The following IL1RAPL2 variants were observed in gnomAD, a reference collection of about 807,000 sequenced individuals.
IL1RAPL2 encodes the protein X-linked interleukin-1 receptor accessory protein-like 2.
A neutral mutation model predicts 44.1 loss-of-function variants in IL1RAPL2; 3 were observed. That is an observed-to-expected ratio of 0.07 (90% confidence interval 0.03 to 0.18). IL1RAPL2 has a LOEUF of 0.18. Among genes scored for constraint, IL1RAPL2 ranks in the 10% least tolerant of loss-of-function variants. IL1RAPL2 has a pLI of 1.00. For synonymous variants in IL1RAPL2, 181 were observed against 178.8 expected (o/e 1.01, Z -0.10); for missense variants, 391 against 496.4 (o/e 0.79, Z 2.02).
At chrX:105,710,238 T>C (rs956972249) in intron 6 of IL1RAPL2, among the ~76,000 whole-genome samples, 1 of 110,605 alleles carries the variant, frequency 9.0e-6, no homozygotes, top group African/African-American at 3.3e-5. Flanking sequence ...CTCTCCCAAA[T>C]CATTATTCTA....
chrX:105,474,868 C>A lies in IL1RAPL2; in HGVS notation c.698-9445C>A, dbSNP rs375804919. Among the ~76,000 whole-genome samples the A allele has an allele frequency of 1.1e-4, 12 of 109,012 alleles. No homozygotes were observed. The East Asian group carries it at 1.5e-3, about 13-fold the overall frequency. 94.7% of individuals were successfully genotyped at this position (109,012 alleles called of 115,157 possible). A position where few individuals can be genotyped will look rare whatever the true frequency, so the allele number is the denominator to read the frequency against. ...TTTGGATGTATTTTGAACACACACA[C>A]AAAAAAACAGTCTTAAAAAAAAACA... On this transcript the variant is annotated intron_variant, in intron 5 of 10. Transcript: ENST00000372582.
intron 2 of IL1RAPL2, among the ~76,000 whole-genome samples, chrX:104,666,908 C>A (rs891997406): frequency 8.9e-6 from 1 of 112,091 alleles, no homozygotes; most frequent in Non-Finnish European, 1.9e-5. Flanking sequence ...TTTAAACTTC[C>A]ATTCATATTC....
chrX:104,714,149 C>T (rs1386051335), intron 2 of IL1RAPL2, among the ~76,000 whole-genome samples: 1 of 110,675 alleles, frequency 9.0e-6, no homozygotes, highest in Non-Finnish European at 1.9e-5. Context: ...ACTTCCAATA[C>T]TATGTTGAAT....
intron 2 of IL1RAPL2, among the ~76,000 whole-genome samples, chrX:104,881,391 TA>T (rs1356932559): frequency 1.8e-5 from 2 of 112,126 alleles, no homozygotes; most frequent in Admixed American, 9.5e-5. Flanking sequence ...CATTAGGAAG[TA>T]ATGATTTATA....
At position 105,722,006 on chromosome X, in the gene IL1RAPL2, G is replaced by A. The variant is rs2038309183; in HGVS notation, c.902+4510G>A. On this transcript the variant is annotated intron_variant, in intron 7 of 10. Transcript: ENST00000372582. ...ATATAGTCAGGAGTTGCCTAATGAT[G>A]GGGATACGTTCTATGTAATACATTA... Among the ~76,000 whole-genome samples, 3 of 111,642 alleles carry A rather than the reference G, an allele frequency of 2.7e-5. No individual in the cohort carries two copies. In the Admixed American group the frequency reaches 2.9e-4, roughly 11 times the overall value.
chrX:104,739,895 C>A (rs1470494053), intron 2 of IL1RAPL2, among the ~76,000 whole-genome samples: 4 of 111,277 alleles, frequency 3.6e-5, no homozygotes, highest in African/African-American at 1.3e-4. Flanking sequence ...CATTATATAT[C>A]TAATTAGGTC....
intron 4 of IL1RAPL2, among the ~76,000 whole-genome samples, chrX:105,236,853 T>A (rs1394904649): frequency 8.9e-6 from 1 of 111,776 alleles, no homozygotes; most frequent in Non-Finnish European, 1.9e-5. Flanking sequence ...AATTTTATTT[T>A]TTATTATTAT....
At chrX:105,594,137 T>C (rs988889422) in intron 6 of IL1RAPL2, among the ~76,000 whole-genome samples, 9 of 112,008 alleles carry the variant, frequency 8.0e-5, no homozygotes, top group Admixed American at 5.7e-4. Flanking sequence ...AAAATATATT[T>C]ACCTCTTTGT....
intron 2 of IL1RAPL2, among the ~76,000 whole-genome samples, chrX:104,817,858 T>TA (rs1378086140): frequency 1.8e-5 from 2 of 111,273 alleles, no homozygotes; most frequent in African/African-American, 3.3e-5. Context: ...GTACTATTAA[T>TA]AAAAAGATGA....
intron 5 of IL1RAPL2, among the ~76,000 whole-genome samples, chrX:105,438,188 AG>A (rs778210860): frequency 8.9e-6 from 1 of 111,766 alleles, no homozygotes; most frequent in East Asian, 2.8e-4. Context: ...CCCTCTAACT[AG>A]GGAAATGTAT....
intron 2 of IL1RAPL2, among the ~76,000 whole-genome samples, chrX:105,018,334 T>C (rs970328637): frequency 9.0e-6 from 1 of 111,394 alleles, no homozygotes; most frequent in Non-Finnish European, 1.9e-5. Context: ...TGACTTTTTA[T>C]GTGCATTCCT....
rs782352394 is a variant in IL1RAPL2, at chrX:105,193,234, G to A, written c.83-2241G>A. On this transcript the variant is annotated intron_variant, in intron 2 of 10. Transcript: ENST00000372582. ...TTCAATTTTTTTTTCTATCAAGTAG[G>A]TAATGATAGAGTTTGATGCTATTTT... Among the ~76,000 whole-genome samples the A allele has an allele frequency of 1.3e-4, 14 of 111,341 alleles. No individual in the cohort carries two copies. The East Asian group carries it at 4.0e-3, about 32-fold the overall frequency.
intron 2 of IL1RAPL2, among the ~76,000 whole-genome samples, chrX:104,958,378 G>A (rs753037969): frequency 2.8e-5 from 3 of 107,819 alleles, no homozygotes; most frequent in Non-Finnish European, 3.8e-5. Flanking sequence ...CCTGGAAATT[G>A]ATAGTCCTGG....
chrX:105,726,948 G>A (rs1046024735), intron 7 of IL1RAPL2, among the ~76,000 whole-genome samples: 1 of 111,105 alleles, frequency 9.0e-6, no homozygotes, highest in African/African-American at 3.3e-5. Flanking sequence ...CAGACTCTGG[G>A]CATGATGCTG....
chrX:105,066,456 T>C (rs1268633942), intron 2 of IL1RAPL2, among the ~76,000 whole-genome samples: 1 of 111,578 alleles, frequency 9.0e-6, no homozygotes, highest in Non-Finnish European at 1.9e-5. Flanking sequence ...ACAAATATGA[T>C]TGTTATAAGG....
At chrX:105,602,080 G>T (rs1012591935) in intron 6 of IL1RAPL2, among the ~76,000 whole-genome samples, 2 of 111,642 alleles carry the variant, frequency 1.8e-5, no homozygotes, top group African/African-American at 6.5e-5. Context: ...GCTCCCTAGT[G>T]ACCAATGACT....
At chrX:105,372,435 C>CAAAAAAAAA (rs369933788) in intron 5 of IL1RAPL2, among the ~76,000 whole-genome samples, 1 of 87,237 alleles carries the variant, frequency 1.1e-5, no homozygotes, top group African/African-American at 4.6e-5. Context: ...GACCCTATCT[C>CAAAAAAAAA]AAAAAAAAAA....
At chrX:105,002,929 G>GT (rs1422999906) in intron 2 of IL1RAPL2, among the ~76,000 whole-genome samples, 1 of 111,220 alleles carries the variant, frequency 9.0e-6, no homozygotes, top group Non-Finnish European at 1.9e-5. Flanking sequence ...GAATTCTAAG[G>GT]TTTTTTCATG....
intron 7 of IL1RAPL2, among the ~76,000 whole-genome samples, chrX:105,731,435 A>G (rs2038405253): frequency 9.0e-6 from 1 of 111,406 alleles, no homozygotes; most frequent in Admixed American, 9.6e-5. Flanking sequence ...GAGAAGTACC[A>G]TATGATCCAT....
Sources: allele counts gnomAD v4.1 joint callset (sites outside exome capture counted in the v4.1 genomes callset), GRCh38; gene constraint gnomAD v4.1.1; transcripts MANE v1.5; gene names NCBI Gene and HGNC (gene_info 2026-07-23, HGNC 2026-07-21).